CIART: variants seen among roughly 807,000 people sequenced by gnomAD.
The protein encoded by CIART is circadian associated repressor of transcription.
CIART carries 7 observed loss-of-function variants against 22.1 expected under a neutral mutation model. That is an observed-to-expected ratio of 0.32 (90% CI 0.18 to 0.59). The LOEUF is 0.59. Ranked by LOEUF, CIART falls within the 20% of genes least tolerant of loss-of-function variation. CIART has a pLI of 0.86. For missense variants in CIART, 440 were observed against 478.0 expected (o/e 0.92, Z 0.74); for synonymous variants, 163 against 174.6 (o/e 0.93, Z 0.53).
Position 150,287,070 on chromosome 1 carries a change from T to C in CIART, c.*116T>C. 9.0e-7 allele frequency: 1 copy of C among 1,109,536 alleles called. No individual in the cohort carries two copies. The highest frequency in any genetic ancestry group is 1.6e-5 in the African/African-American group (1 of 61,676). 68.7% of individuals were successfully genotyped at this position (1,109,536 alleles called of 1,614,324 possible). A position where few individuals can be genotyped will look rare whatever the true frequency, so the allele number is the denominator to read the frequency against. ...TGAGGGAAGATAAATCCTTTCTGATTAAAGAAATTTTTTTATACCTAAACA... is the reference window on the plus strand; with the variant it reads ...TGAGGGAAGATAAATCCTTTCTGATCAAAGAAATTTTTTTATACCTAAACA... On this transcript the variant is annotated 3_prime_UTR_variant, in exon 5 of 5. Transcript: ENST00000290363.
chr1:150,283,853 G>A lies in CIART; in HGVS notation c.415G>A (p.Gly139Arg). 1 of 1,594,184 alleles carries A rather than the reference G, an allele frequency of 6.3e-7. No homozygotes were observed. Among genetic ancestry groups the A allele is most frequent in the Non-Finnish European group, 8.6e-7 (1 of 1,162,460 alleles). ...ACCTCCTCTCACAGACCTACTCAAT[G>A]GGCTGAAGATGGGTCGTTTTGAGAG... ...FIPPLTDLLN[G>R]LKMGRFERGL... The change falls in exon 2 of 5, where the codon GGG (glycine) becomes AGG (arginine). Residue 139 changes from glycine (G) to arginine (R), a missense_variant. Transcript: ENST00000290363.
Position 150,282,709 on chromosome 1 carries a change from T to G in CIART, c.-559T>G, listed in dbSNP as rs1553853743. The G allele has an allele frequency of 3.3e-5, 5 of 152,690 alleles. No individual in the cohort carries two copies. Among genetic ancestry groups the G allele is most frequent in the African/African-American group, 1.2e-4 (5 of 41,442 alleles). The allele number at this position is 152,690 out of a possible 1,614,324, so 9.5% of individuals were successfully genotyped here. ...TGCAGATCTTGGTATTGGGAGGGTTTGCATCACGTGGCAGGTGCGAGCCCA... is the reference window on the plus strand; with the variant it reads ...TGCAGATCTTGGTATTGGGAGGGTTGGCATCACGTGGCAGGTGCGAGCCCA... On this transcript the variant is annotated 5_prime_UTR_variant, in exon 1 of 5. Transcript: ENST00000290363.
chr1:150,287,007 T>A lies in CIART; in HGVS notation c.*53T>A, dbSNP rs1653540191. On this transcript the variant is annotated 3_prime_UTR_variant, in exon 5 of 5. Transcript: ENST00000290363. ...CTTCTAATTTGTGTAAATATTTATG[T>A]ATATATGTATTTTTACTATTAATGT... is the stretch of plus-strand genomic sequence containing the variant. 1 of 1,412,108 alleles carries A rather than the reference T, an allele frequency of 7.1e-7. No homozygotes were observed. Among genetic ancestry groups the A allele is most frequent in the African/African-American group, 1.5e-5 (1 of 68,884 alleles). 87.5% of individuals were successfully genotyped at this position (1,412,108 alleles called of 1,614,324 possible). A position where few individuals can be genotyped will look rare whatever the true frequency, so the allele number is the denominator to read the frequency against.
At chr1:150,285,462 G>C (rs1653435192) in intron 4 of CIART, 1 of 153,430 alleles carries the variant, frequency 6.5e-6, no homozygotes, top group South Asian at 2.0e-4. Flanking sequence ...CTCGAACCCG[G>C]GAGGCAGAGG....
chr1:150,284,847 T>C, intron 4 of CIART, 139 bp downstream of exon 4: 1 of 642,270 alleles, frequency 1.6e-6, no homozygotes, highest in Non-Finnish European at 2.7e-6. Flanking sequence ...TCCTAAACTT[T>C]CTGCATTGTC....
chr1:150,283,821 G>A lies in CIART; in HGVS notation c.383G>A (p.Gly128Glu). The A allele has an allele frequency of 6.3e-7, 1 of 1,595,870 alleles. No homozygotes were observed. The highest frequency in any genetic ancestry group is 2.2e-5 in the East Asian group (1 of 44,774). ...LFAQKCKELQ[G>E]FIPPLTDLLN... Reference sequence around the variant, plus strand: ...TTCCTACAGTGTAAAGAACTCCAAGGATTTATACCTCCTCTCACAGACCTA... The same window carrying A: ...TTCCTACAGTGTAAAGAACTCCAAGAATTTATACCTCCTCTCACAGACCTA... The change falls in exon 2 of 5, where the codon GGA (glycine) becomes GAA (glutamate). Residue 128 changes from glycine to glutamate, a missense_variant. Coordinates refer to ENST00000290363, the MANE Select transcript of CIART (RefSeq NM_144697.4).
chr1:150,282,989 C>G lies in CIART; in HGVS notation c.-279C>G, dbSNP rs930169189. Reference sequence around the variant, plus strand: ...AACTGAGGGAAGAAAAGAACGGAGGCCGCGTCAGACCGAGAGCTGCTCTGC... The same window carrying G: ...AACTGAGGGAAGAAAAGAACGGAGGGCGCGTCAGACCGAGAGCTGCTCTGC... On this transcript the variant is annotated 5_prime_UTR_variant, in exon 1 of 5. Transcript: ENST00000290363. The G allele has an allele frequency of 1.4e-5, 3 of 221,538 alleles. No homozygotes were observed. The highest frequency in any genetic ancestry group is 2.7e-5 in the Non-Finnish European group (3 of 113,186). 13.7% of individuals were successfully genotyped at this position (221,538 alleles called of 1,614,324 possible).
At chr1:150,285,116 A>ATGATACGGCG in intron 4 of CIART, 2 of 234,650 alleles carry the variant, frequency 8.5e-6, no homozygotes, top group Non-Finnish European at 1.7e-5. Context: ...CCTTGTGCCA[A>ATGATACGGCG]ACCCTTTGAC....
chr1:150,286,916 C>T lies in CIART; in HGVS notation c.1120C>T (p.Pro374Ser). ...IGHREQQRSHPPVAADAHLLN... is the reference protein window; with the variant it reads ...IGHREQQRSHSPVAADAHLLN... ...ACACCGGGAGCAGCAGAGAAGCCATCCTCCAGTTGCTGCTGATGCTCATCT... is the reference window on the plus strand; with the variant it reads ...ACACCGGGAGCAGCAGAGAAGCCATTCTCCAGTTGCTGCTGATGCTCATCT... The change falls in exon 5 of 5, where the codon CCT (proline) becomes TCT (serine). Residue 374 changes from proline to serine, a missense_variant. By Grantham distance (74) the Pro-to-Ser change is moderately conservative (BLOSUM62 -1). Coordinates refer to ENST00000290363, the MANE Select transcript of CIART (RefSeq NM_144697.4). 1 of 1,594,332 alleles carries T rather than the reference C, an allele frequency of 6.3e-7. No individual in the cohort carries two copies. Among genetic ancestry groups the T allele is most frequent in the Non-Finnish European group, 8.6e-7 (1 of 1,168,148 alleles).
chr1:150,286,943 C>T lies in CIART; in HGVS notation c.1147C>T (p.Leu383Phe). The T allele has an allele frequency of 1.9e-6, 3 of 1,577,170 alleles. No individual in the cohort carries two copies. The highest frequency in any genetic ancestry group is 2.6e-6 in the Non-Finnish European group (3 of 1,159,036). The change falls in exon 5 of 5, where the codon CTC becomes TTC. Residue 383 changes from leucine (L) to phenylalanine (F), a missense_variant. Physicochemically the swap from Leu to Phe is conservative, Grantham distance 22 (BLOSUM62 0). Transcript: ENST00000290363. Reference sequence around the variant, plus strand: ...TCCAGTTGCTGCTGATGCTCATCTTCTCAACCTCTAGCCCAGGGCATACAG... The same window carrying T: ...TCCAGTTGCTGCTGATGCTCATCTTTTCAACCTCTAGCCCAGGGCATACAG... ...HPPVAADAHLLNL is the reference protein window; with the variant it reads ...HPPVAADAHLFNL
chr1:150,284,744 A>G, intron 4 of CIART, 36 bp downstream of exon 4: 1 of 1,490,644 alleles, frequency 6.7e-7, no homozygotes, highest in Non-Finnish European at 9.3e-7. Context: ...AGGTGGGAAA[A>G]TAGCCAAGAA....
chr1:150,284,517 G>C lies in CIART; in HGVS notation c.521+13G>C. ...AGCCACAGATGGGGTAAGTCCCGCTGGTTCTTTGCTTGGGTCTTCATAAAA... is the reference window on the plus strand; with the variant it reads ...AGCCACAGATGGGGTAAGTCCCGCTCGTTCTTTGCTTGGGTCTTCATAAAA... On this transcript the variant is annotated intron_variant, in intron 3 of 4. Transcript: ENST00000290363. 1 of 1,604,024 alleles carries C rather than the reference G, an allele frequency of 6.2e-7. No individual in the cohort carries two copies. Among genetic ancestry groups the C allele is most frequent in the South Asian group, 1.1e-5 (1 of 90,904 alleles).
chr1:150,283,194 G>T lies in CIART; in HGVS notation c.-74G>T, dbSNP rs41273233. On this transcript the variant is annotated 5_prime_UTR_variant, in exon 1 of 5. Transcript: ENST00000290363. ...TTAAACTCTGGTTTCAAACTCCCTC[G>T]CTTTGCTCTTCAGTTGCAGGTTCCG... 1.6e-5 allele frequency: 23 copies of T among 1,399,904 alleles called. No individual in the cohort carries two copies. Among genetic ancestry groups the T allele is most frequent in the East Asian group, 9.5e-5 (4 of 41,980 alleles). 86.7% of individuals were successfully genotyped at this position (1,399,904 alleles called of 1,614,324 possible). A position where few individuals can be genotyped will look rare whatever the true frequency, so the allele number is the denominator to read the frequency against.
Position 150,283,485 on chromosome 1 carries a change from A to G in CIART, c.218A>G (p.Asn73Ser). The change falls in exon 1 of 5, where the codon AAC (asparagine) becomes AGC (serine). Residue 73 changes from asparagine to serine, a missense_variant. By Grantham distance (46) the Asn-to-Ser change is conservative (BLOSUM62 1). Coordinates refer to ENST00000290363, the MANE Select transcript of CIART (RefSeq NM_144697.4). Reference protein sequence around the residue: ...RCRHRSKVSGNQHTPSHPKQR... With the variant: ...RCRHRSKVSGSQHTPSHPKQR... ...AGGCATCGATCGAAGGTTTCCGGTA[A>G]CCAGCATACACCATCTCATCCGAAA... 1.2e-6 allele frequency: 2 copies of G among 1,614,212 alleles called. No homozygotes were observed. Among genetic ancestry groups the G allele is most frequent in the Non-Finnish European group, 1.7e-6 (2 of 1,180,036 alleles).
chr1:150,283,625 G>A lies in CIART; in HGVS notation c.358G>A (p.Ala120Thr). 1.2e-6 allele frequency: 2 copies of A among 1,613,456 alleles called. No homozygotes were observed. Among genetic ancestry groups the A allele is most frequent in the Non-Finnish European group, 1.7e-6 (2 of 1,179,530 alleles). ...TACCACAGAGGGAGACCTGCTGTTTGCCCAGAAGGTAAGAGAAAGCAGGTG... is the reference window on the plus strand; with the variant it reads ...TACCACAGAGGGAGACCTGCTGTTTACCCAGAAGGTAAGAGAAAGCAGGTG... ...GCTTEGDLLF[A>T]QKCKELQGFI... Residue 120 changes from alanine to threonine, a missense_variant, in exon 1 of 5, where the codon GCC (alanine) becomes ACC (threonine). Ala to Thr is a moderately conservative substitution (Grantham distance 58). Coordinates refer to ENST00000290363, the MANE Select transcript of CIART (RefSeq NM_144697.4).
rs782614903 is a variant in CIART at position 150,286,949 on chromosome 1, C to A, written c.1153C>A (p.Leu385Ile). 6.4e-7 allele frequency: 1 copy of A among 1,569,502 alleles called. No individual in the cohort carries two copies. The highest frequency in any genetic ancestry group is 1.2e-5 in the South Asian group (1 of 83,838). ...TGCTGCTGATGCTCATCTTCTCAAC[C>A]TCTAGCCCAGGGCATACAGCTGTCC... is the stretch of plus-strand genomic sequence containing the variant. ...PVAADAHLLN[L>I] The change falls in exon 5 of 5, where the codon CTC (leucine) becomes ATC (isoleucine). Residue 385 changes from leucine to isoleucine, a missense_variant. Physicochemically the swap from Leu to Ile is conservative, Grantham distance 5. Transcript: ENST00000290363.
At position 150,284,711 on chromosome 1, in the gene CIART, A is replaced by G. The variant is rs1653388723; in HGVS notation, c.633+3A>G. On this transcript the variant is annotated splice_donor_region_variant and intron_variant, in intron 4 of 4. Coordinates refer to ENST00000290363, the MANE Select transcript of CIART (RefSeq NM_144697.4). ...GTGGCAAGCATCAGCTGACCAAGGT[A>G]AGAACTTAAGAACACGAGGAAGAGG... The G allele has an allele frequency of 1.9e-6, 3 of 1,588,274 alleles. No individual in the cohort carries two copies. Among genetic ancestry groups the G allele is most frequent in the Non-Finnish European group, 2.6e-6 (3 of 1,157,202 alleles).
chr1:150,286,964 T>G lies in CIART; in HGVS notation c.*10T>G. 1 of 1,536,822 alleles carries G rather than the reference T, an allele frequency of 6.5e-7. No individual in the cohort carries two copies. Among genetic ancestry groups the G allele is most frequent in the Non-Finnish European group, 8.8e-7 (1 of 1,139,370 alleles). ...TCTTCTCAACCTCTAGCCCAGGGCA[T>G]ACAGCTGTCCACTGTGACTTCTAAT... On this transcript the variant is annotated 3_prime_UTR_variant, in exon 5 of 5. Transcript: ENST00000290363.
rs1224938087 is a variant in CIART at position 150,282,695 on chromosome 1, G to C, written c.-573G>C. ...ATTTGGGGGCTGAATGCAGATCTTG[G>C]TATTGGGAGGGTTTGCATCACGTGG... On this transcript the variant is annotated 5_prime_UTR_variant, in exon 1 of 5. Transcript: ENST00000290363. 6.5e-6 allele frequency: 1 copy of C among 152,730 alleles called. No individual in the cohort carries two copies. Among genetic ancestry groups the C allele is most frequent in the Non-Finnish European group, 1.5e-5 (1 of 68,332 alleles). 9.5% of individuals were successfully genotyped at this position (152,730 alleles called of 1,614,324 possible).
Sources: allele counts gnomAD v4.1 joint callset, GRCh38; gene constraint gnomAD v4.1.1; transcripts MANE v1.5; gene names NCBI Gene and HGNC (gene_info 2026-07-23, HGNC 2026-07-21).